MPC1: variants seen among roughly 807,000 people sequenced by gnomAD.
MPC1 encodes the protein mitochondrial pyruvate carrier 1.
Under a neutral mutation model 13.9 loss-of-function variants are expected in MPC1, and 6 were observed. The ratio of observed to expected loss-of-function variants is 0.43; its 90% CI spans 0.24 to 0.85. The LOEUF (loss-of-function observed/expected upper bound fraction) is 0.85. Ranked by LOEUF, MPC1 falls within the 40% of genes least tolerant of loss-of-function variation. The probability of loss-of-function intolerance (pLI) is 0.24; values close to 1 mark genes in which losing one functional copy is unlikely to be tolerated. For synonymous variants in MPC1, 47 were observed against 50.5 expected (o/e 0.93, Z 0.29); for missense variants, 115 against 143.3 (o/e 0.80, Z 1.01).
At chr6:166,369,608 A>G (rs1329145368) in intron 2 of MPC1, 3 of 162,704 alleles carry the variant, frequency 1.8e-5, no homozygotes, top group South Asian at 1.6e-4. Flanking sequence ...GAAAGTTTAT[A>G]ATGCATCTTT....
intron 1 of MPC1, among the ~76,000 whole-genome samples, chr6:166,380,756 A>G (rs1195583510): frequency 6.6e-6 from 1 of 152,058 alleles, no homozygotes; most frequent in African/African-American, 2.4e-5. Flanking sequence ...CCTGACCAAC[A>G]TGGAGAAACC....
At chr6:166,371,844 C>A (rs1779392808) in intron 1 of MPC1, among the ~76,000 whole-genome samples, 1 of 152,034 alleles carries the variant, frequency 6.6e-6, no homozygotes, top group African/African-American at 2.4e-5. Context: ...ATAATTATGA[C>A]AATGAACTGA....
chr6:166,369,011 G>A lies in MPC1; in HGVS notation c.75+1207C>T, dbSNP rs77792365. Reference sequence around the variant, plus strand: ...TTTCTCTACCACTGGTTGTGAATGTGTCTTCTTTCATAGGTGGGGCTAAAG... The same window carrying A: ...TTTCTCTACCACTGGTTGTGAATGTATCTTCTTTCATAGGTGGGGCTAAAG... On this transcript the variant is annotated intron_variant, in intron 2 of 4. Coordinates refer to ENST00000360961, the MANE Select transcript of MPC1 (RefSeq NM_016098.4). 2.1e-3 allele frequency: 1,867 copies of A among 877,280 alleles called. 36 individuals carry two copies. In the African/African-American group the frequency reaches 0.031, roughly 15 times the overall value. The allele number at this position is 877,280 out of a possible 1,614,324, so 54.3% of individuals were successfully genotyped here.
intron 1 of MPC1, among the ~76,000 whole-genome samples, chr6:166,375,270 T>C (rs1387601787): frequency 1.3e-5 from 2 of 152,202 alleles, no homozygotes; most frequent in East Asian, 1.9e-4. Context: ...GATTTCATCA[T>C]GCTACTCAGA....
At chr6:166,367,043 T>C in intron 2 of MPC1, 152 bp from the exon 3 acceptor site, 1 of 1,506,774 alleles carries the variant, frequency 6.6e-7, no homozygotes, top group Non-Finnish European at 8.9e-7. Flanking sequence ...TAATTGATGG[T>C]TAACATTTAG....
At chr6:166,379,055 TC>T (rs535380832) in intron 1 of MPC1, among the ~76,000 whole-genome samples, 225 of 152,344 alleles carry the variant, frequency 1.5e-3, no homozygotes, top group African/African-American at 5.0e-3. Context: ...ATTTAAGTGT[TC>T]CGTTATCCCA....
chr6:166,365,158 A>G lies in MPC1; in HGVS notation c.*271T>C. On this transcript the variant is annotated 3_prime_UTR_variant, in exon 5 of 5. Coordinates refer to ENST00000360961, the MANE Select transcript of MPC1 (RefSeq NM_016098.4). The surrounding 1 kb of genome is among the most constrained non-coding windows in gnomAD (Gnocchi z 4.2). ...TTAAGTAAATTCTAATAGATGATAT[A>G]CATATTACTGCAGATAAAACCATCA... The G allele has an allele frequency of 3.2e-6, 1 of 316,482 alleles. No individual in the cohort carries two copies. The highest frequency in any genetic ancestry group is 5.7e-6 in the Non-Finnish European group (1 of 175,510). The allele number at this position is 316,482 out of a possible 1,614,324, so 19.6% of individuals were successfully genotyped here. A position where few individuals can be genotyped will look rare whatever the true frequency, so the allele number is the denominator to read the frequency against.
chr6:166,372,743 T>C, intron 1 of MPC1, among the ~76,000 whole-genome samples: 1 of 63,262 alleles, frequency 1.6e-5, no homozygotes, highest in African/African-American at 7.4e-5. Flanking sequence ...ATTACCTGTT[T>C]CAAAAAAAAA....
At chr6:166,382,612 C>G (rs1779842639) in intron 1 of MPC1, among the ~76,000 whole-genome samples, 194 bp downstream of exon 1, 1 of 152,238 alleles carries the variant, frequency 6.6e-6, no homozygotes, top group Admixed American at 6.5e-5. Flanking sequence ...CTACGCCGTC[C>G]GCTTCGGGGT....
intron 1 of MPC1, among the ~76,000 whole-genome samples, chr6:166,372,472 A>G (rs570508990): frequency 6.6e-6 from 1 of 152,334 alleles, no homozygotes; most frequent in African/African-American, 2.4e-5. Flanking sequence ...GTATGAGAAT[A>G]AGGGAGAATT....
intron 1 of MPC1, among the ~76,000 whole-genome samples, chr6:166,378,063 T>C (rs1365701679): frequency 1.3e-5 from 2 of 152,256 alleles, no homozygotes; most frequent in Non-Finnish European, 2.9e-5. Flanking sequence ...ACAAGTTTGG[T>C]ATCCAGAGGT....
At position 166,367,759 on chromosome 6, in the gene MPC1, C is replaced by T. The variant is rs553465579; in HGVS notation, c.76-868G>A. Among the ~76,000 whole-genome samples, 158 of 152,288 alleles carry T rather than the reference C, an allele frequency of 1.0e-3. 3 individuals carry two copies. Among genetic ancestry groups the T allele is most frequent in the South Asian group, 8.9e-3 (43 of 4,826 alleles). The stretch of plus-strand genomic sequence containing the variant: ...GGAACCACATCTTGTTGGCTAAACA[C>T]CCCTTTTAGTTATCCTAACACTAAA... On this transcript the variant is annotated intron_variant, in intron 2 of 4. Coordinates refer to ENST00000360961, the MANE Select transcript of MPC1 (RefSeq NM_016098.4).
At chr6:166,366,534 AT>A (rs1197619773) in intron 3 of MPC1, among the ~76,000 whole-genome samples, 1 of 152,254 alleles carries the variant, frequency 6.6e-6, no homozygotes, top group Non-Finnish European at 1.5e-5. Flanking sequence ...TAAAGTGACT[AT>A]TAGAATGATT....
intron 1 of MPC1, among the ~76,000 whole-genome samples, chr6:166,380,460 T>A (rs1419128340): frequency 6.6e-6 from 1 of 152,188 alleles, no homozygotes; most frequent in East Asian, 1.9e-4. Flanking sequence ...AATTAAATAC[T>A]GGAGAAAGTA....
At chr6:166,366,257 T>A in intron 3 of MPC1, 151 bp from the exon 4 acceptor site, 1 of 841,832 alleles carries the variant, frequency 1.2e-6, no homozygotes, top group Non-Finnish European at 1.7e-6. Context: ...CTTAAATGCC[T>A]GTATCAATAG....
chr6:166,374,660 G>A (rs572999646), intron 1 of MPC1, among the ~76,000 whole-genome samples: 30 of 152,272 alleles, frequency 2.0e-4, no homozygotes, highest in African/African-American at 5.1e-4. Flanking sequence ...CCCAGTTGTC[G>A]CAGCACAATT....
chr6:166,368,599 G>T, intron 2 of MPC1: 2 of 183,786 alleles, frequency 1.1e-5, no homozygotes, highest in Non-Finnish European at 1.0e-5. Context: ...TTGGAGAGAA[G>T]TACACTCCTG....
Position 166,382,886 on chromosome 6 carries a change from G to T in MPC1, c.-10C>A. 1.3e-6 allele frequency: 2 copies of T among 1,594,398 alleles called. No individual in the cohort carries two copies. Among genetic ancestry groups the T allele is most frequent in the Non-Finnish European group, 1.7e-6 (2 of 1,172,536 alleles). ...CCAACGCGCCCGCCATGGCTGTGCCGACACCAGACCCCGAGTGGTCCCTGC... is the reference window on the plus strand; with the variant it reads ...CCAACGCGCCCGCCATGGCTGTGCCTACACCAGACCCCGAGTGGTCCCTGC... On this transcript the variant is annotated 5_prime_UTR_variant, in exon 1 of 5. Transcript: ENST00000360961.
At chr6:166,366,684 G>A in intron 3 of MPC1, 111 bp downstream of exon 3, 1 of 991,062 alleles carries the variant, frequency 1.0e-6, no homozygotes, top group South Asian at 1.4e-5. Flanking sequence ...ATCACATTCT[G>A]TATGTGACTT....
Sources: gnomAD v4.1 joint callset for allele counts (sites outside exome capture counted in the v4.1 genomes callset) on GRCh38, gnomAD v4.1.1 for gene constraint, Gnocchi (gnomAD v3.1) non-coding constraint, MANE v1.5 for transcripts, NCBI Gene and HGNC (gene_info 2026-07-23, HGNC 2026-07-21) for gene names.